SLMAP: variants seen among roughly 807,000 people sequenced by gnomAD.
SLMAP encodes sarcolemmal membrane-associated protein.
Under a neutral mutation model 128.8 loss-of-function variants are expected in SLMAP, and 44 were observed. The ratio of observed to expected loss-of-function variants is 0.34; its 90% confidence interval spans 0.27 to 0.44. The LOEUF is 0.44. Ranked by LOEUF, SLMAP falls within the 20% of genes least tolerant of loss-of-function variation. SLMAP has a pLI of 1.00. For synonymous variants in SLMAP, 327 were observed against 348.8 expected, an observed-to-expected ratio of 0.94 and a Z score of 0.70; for missense variants, 787 against 985.3, an observed-to-expected ratio of 0.80 and a Z score of 2.69.
At chr3:57,863,937 A>G (rs1432588304) in intron 10 of SLMAP, among the ~76,000 whole-genome samples, 6 of 152,144 alleles carry the variant, frequency 3.9e-5, no homozygotes, top group African/African-American at 1.4e-4. Context: ...TTAGGGAAAA[A>G]TCTTACTTCC....
intron 2 of SLMAP, among the ~76,000 whole-genome samples, chr3:57,786,094 C>A (rs1054578636): frequency 6.6e-6 from 1 of 152,118 alleles, no homozygotes; most frequent in Non-Finnish European, 1.5e-5. Flanking sequence ...GCAGTGTATA[C>A]CTGGTGTTAA....
chr3:57,925,305 T>C (rs1054434184), intron 23 of SLMAP, among the ~76,000 whole-genome samples: 11 of 150,602 alleles, frequency 7.3e-5, no homozygotes, highest in African/African-American at 2.4e-4. Context: ...TACACCCACA[T>C]TGCCCATTGC....
rs571819301 is a variant in SLMAP at position 57,847,217 on chromosome 3, C to G, written c.440C>G (p.Pro147Arg). 2.4e-5 allele frequency: 39 copies of G among 1,609,428 alleles called. No homozygotes were observed. The Middle Eastern group carries it at 8.3e-4, about 34-fold the overall frequency. Residue 147 changes from proline (P) to arginine (R), a missense_variant, in exon 5 of 25, where the codon CCA becomes CGA. Pro to Arg is a moderately radical substitution (Grantham distance 103). Coordinates refer to ENST00000671191, the MANE Select transcript of SLMAP (RefSeq NM_001377540.1). ...TTCAGTGTCATCCATGCACCATTAC[C>G]AAGTCCTGTTGACAAAGTAAGTTGC... is the stretch of plus-strand genomic sequence containing the variant. ...LRSDVIHAPL[P>R]SPVDKVAANT... is the part of the protein sequence containing the mutation.
intron 21 of SLMAP, 60 bp from the exon 22 acceptor site, chr3:57,916,846 A>G: frequency 7.2e-7 from 1 of 1,387,602 alleles, no homozygotes. Flanking sequence ...AAGAAACTGG[A>G]CTTCCTTCTG....
intron 2 of SLMAP, among the ~76,000 whole-genome samples, chr3:57,782,908 G>A (rs564749143): frequency 6.6e-6 from 1 of 152,284 alleles, no homozygotes; most frequent in South Asian, 2.1e-4. Context: ...GCCATGCAGT[G>A]CTGCAACAAG....
intron 17 of SLMAP, chr3:57,899,265 A>C (rs1170082307): frequency 1.3e-5 from 2 of 152,236 alleles, no homozygotes; most frequent in Non-Finnish European, 2.9e-5. Flanking sequence ...CTGGGAAGTC[A>C]GACTCAAGGA....
At chr3:57,841,431 A>G in intron 4 of SLMAP, 60 bp downstream of exon 4, 1 of 958,482 alleles carries the variant, frequency 1.0e-6, no homozygotes, top group Non-Finnish European at 1.6e-6. Flanking sequence ...AGAATTTAGT[A>G]ATAATATTCT....
intron 17 of SLMAP, among the ~76,000 whole-genome samples, chr3:57,904,893 C>A (rs904601469): frequency 2.6e-5 from 4 of 151,564 alleles, no homozygotes; most frequent in African/African-American, 9.8e-5. Context: ...ATAGCAAGAC[C>A]CCATCTCTAC....
chr3:57,853,959 A>T (rs4681761), intron 6 of SLMAP, among the ~76,000 whole-genome samples: 1,268 of 53,004 alleles, frequency 0.024, 27 homozygotes, highest in Non-Finnish European at 0.035. Context: ...AAAAAATTAT[A>T]TATATATATA....
intron 14 of SLMAP, among the ~76,000 whole-genome samples, chr3:57,876,693 C>G (rs1203523636): frequency 6.6e-6 from 1 of 152,164 alleles, no homozygotes; most frequent in Non-Finnish European, 1.5e-5. Context: ...AGATGTTTTC[C>G]AAATTAAGAA....
chr3:57,905,372 C>G (rs1242787148), intron 17 of SLMAP, among the ~76,000 whole-genome samples: 1 of 152,034 alleles, frequency 6.6e-6, no homozygotes, highest in Non-Finnish European at 1.5e-5. Flanking sequence ...GCCTTGGCCT[C>G]CTGGGTTCAA....
At chr3:57,847,395 C>G (rs1453126988) in intron 5 of SLMAP, among the ~76,000 whole-genome samples, 162 bp downstream of exon 5, 1 of 152,148 alleles carries the variant, frequency 6.6e-6, no homozygotes, top group Admixed American at 6.5e-5. Context: ...TCTTCAATAT[C>G]TGGAGAATCT....
rs537602563 is a variant in SLMAP at position 57,920,860 on chromosome 3, CA to C, written c.2311-2022del. Among the ~76,000 whole-genome samples the C allele has an allele frequency of 4.1e-3, 628 of 151,894 alleles. 6 individuals are homozygous for C. The highest frequency in any genetic ancestry group is 0.015 in the African/African-American group (609 of 41,440). On this transcript the variant is annotated intron_variant, in intron 22 of 24. Coordinates refer to ENST00000671191, the MANE Select transcript of SLMAP (RefSeq NM_001377540.1). ...TGAAACCCCATCTGTACTAAAAATA[CA>C]AAAAAATTAGCCAGGCATGGTGGTG...
chr3:57,775,855 C>T (rs941264590), intron 2 of SLMAP, among the ~76,000 whole-genome samples: 1 of 152,122 alleles, frequency 6.6e-6, no homozygotes, highest in African/African-American at 2.4e-5. Context: ...CCCACCACCA[C>T]ACCTGACTAC....
At chr3:57,891,803 C>T (rs1004633019) in intron 15 of SLMAP, among the ~76,000 whole-genome samples, 1 of 152,164 alleles carries the variant, frequency 6.6e-6, no homozygotes. Context: ...TCTCAAACTC[C>T]TGACCTCAGA....
chr3:57,836,939 CACATG>C (rs2093667814), intron 3 of SLMAP, among the ~76,000 whole-genome samples: 1 of 152,206 alleles, frequency 6.6e-6, no homozygotes, highest in African/African-American at 2.4e-5. Context: ...GTTCTGTGAA[CACATG>C]TAACTTCAGT....
At chr3:57,777,599 A>G (rs1393174809) in intron 2 of SLMAP, among the ~76,000 whole-genome samples, 2 of 152,146 alleles carry the variant, frequency 1.3e-5, no homozygotes, top group Non-Finnish European at 2.9e-5. Context: ...AGAATAAGAA[A>G]AGTTCAGAAG....
intron 15 of SLMAP, among the ~76,000 whole-genome samples, chr3:57,895,643 T>C (rs951330772): frequency 3.9e-5 from 6 of 151,934 alleles, no homozygotes; most frequent in African/African-American, 1.5e-4. Context: ...CCTAAACTTT[T>C]TAAAAAGTTT....
chr3:57,855,271 G>A (rs572556306), intron 6 of SLMAP, among the ~76,000 whole-genome samples: 1 of 151,918 alleles, frequency 6.6e-6, no homozygotes, highest in Admixed American at 6.6e-5. Flanking sequence ...CCAGCTACTC[G>A]GGAGGCTGAG....
Sources: gnomAD v4.1 joint callset for allele counts (sites outside exome capture counted in the v4.1 genomes callset) on GRCh38, gnomAD v4.1.1 for gene constraint, MANE v1.5 for transcripts, NCBI Gene and HGNC (gene_info 2026-07-23, HGNC 2026-07-21) for gene names.